Variants in SDHAF4 observed in about 807,000 individuals in gnomAD.
SDHAF4 encodes succinate dehydrogenase assembly factor 4, mitochondrial.
SDHAF4 carries 14 observed loss-of-function variants against 14.3 expected under a neutral mutation model. The ratio of observed to expected loss-of-function variants is 0.98; its 90% CI spans 0.65 to 1.53. SDHAF4 has a LOEUF of 1.53. Among genes scored for constraint, SDHAF4 ranks in the 40% most tolerant of loss-of-function variants. The pLI, the probability that SDHAF4 is intolerant of heterozygous loss-of-function variation, is 0.00. For synonymous variants in SDHAF4, 63 were observed against 47.3 expected (o/e 1.33, Z -1.36); for missense variants, 141 against 129.3 (o/e 1.09, Z -0.44).
At chr6:70,585,815 T>C (rs1765187826) in intron 2 of SDHAF4, among the ~76,000 whole-genome samples, 1 of 133,884 alleles carries the variant, frequency 7.5e-6, no homozygotes, top group East Asian at 2.0e-4. Context: ...AAATTCTGTA[T>C]CCTTTTTCTT....
At chr6:70,597,661 T>C in the SDHAF4 span, among the ~76,000 whole-genome samples, 1 of 152,176 alleles carries the variant, frequency 6.6e-6, no homozygotes, top group Non-Finnish European at 1.5e-5. Flanking sequence ...GAACTTTTGG[T>C]ACTAGATGAC....
chr6:70,578,931 T>C (rs1234082337), intron 1 of SDHAF4, among the ~76,000 whole-genome samples: 1 of 152,198 alleles, frequency 6.6e-6, no homozygotes, highest in African/African-American at 2.4e-5. Flanking sequence ...TCCTCCCTCT[T>C]CAGCCTCCTG....
chr6:70,586,587 T>G (rs1351576895), intron 2 of SDHAF4, among the ~76,000 whole-genome samples: 1 of 152,084 alleles, frequency 6.6e-6, no homozygotes, highest in Non-Finnish European at 1.5e-5. Context: ...TGAAACTGTC[T>G]GCCCACAGGA....
chr6:70,595,193 CCTCA>C, the SDHAF4 span, among the ~76,000 whole-genome samples: 1 of 152,108 alleles, frequency 6.6e-6, no homozygotes, highest in Non-Finnish European at 1.5e-5. Context: ...TCTCCTCTGG[CCTCA>C]CTCACTCTCA....
chr6:70,597,894 G>A, the SDHAF4 span, among the ~76,000 whole-genome samples: 1 of 152,136 alleles, frequency 6.6e-6, no homozygotes, highest in Non-Finnish European at 1.5e-5. Context: ...AGCATTTTTG[G>A]TGGCCACAAC....
At chr6:70,577,445 T>TA (rs967469908) in intron 1 of SDHAF4, among the ~76,000 whole-genome samples, 2 of 152,216 alleles carry the variant, frequency 1.3e-5, no homozygotes. Flanking sequence ...CCTTGCTGAA[T>TA]ATTATCTCAA....
At chr6:70,567,181 C>T (rs1461943314) in intron 1 of SDHAF4, among the ~76,000 whole-genome samples, 177 bp downstream of exon 1, 1 of 152,230 alleles carries the variant, frequency 6.6e-6, no homozygotes, top group Admixed American at 6.5e-5. Context: ...TCCTGCAGCG[C>T]CCCGGGTCTC....
chr6:70,588,832 A>T lies in SDHAF4; in HGVS notation c.*108A>T, dbSNP rs913600230. The T allele has an allele frequency of 6.9e-5, 26 of 377,358 alleles. No individual in the cohort carries two copies. The highest frequency in any genetic ancestry group is 3.0e-4 in the Admixed American group (7 of 23,188). 23.4% of individuals were successfully genotyped at this position (377,358 alleles called of 1,614,324 possible). On this transcript the variant is annotated 3_prime_UTR_variant, in exon 3 of 3. Coordinates refer to ENST00000370474, the MANE Select transcript of SDHAF4 (RefSeq NM_145267.3). ...ATCCTTTATGTCGTGTAGTTTGTAT[A>T]ATGTGTTTAAATATATATATATATG...
intron 1 of SDHAF4, 138 bp from the exon 2 acceptor site, chr6:70,579,276 C>T: frequency 1.5e-6 from 1 of 647,226 alleles, no homozygotes; most frequent in South Asian, 6.7e-5. Context: ...GAAGAATTTT[C>T]ACTCTGCGTC....
the SDHAF4 span, among the ~76,000 whole-genome samples, chr6:70,595,264 G>A: frequency 1.3e-4 from 20 of 152,164 alleles, no homozygotes; most frequent in African/African-American, 4.8e-4. Context: ...GAAAGGTTTT[G>A]CAAAACCTAT....
At chr6:70,592,095 A>G (rs935959562), downstream of SDHAF4, among the ~76,000 whole-genome samples, 1 of 152,244 alleles carries the variant, frequency 6.6e-6, no homozygotes, top group Non-Finnish European at 1.5e-5. Context: ...GGCCCTGGCC[A>G]GATGTGCCCC....
At chr6:70,570,224 ATTACC>A (rs768850295) in intron 1 of SDHAF4, among the ~76,000 whole-genome samples, 44 of 152,324 alleles carry the variant, frequency 2.9e-4, no homozygotes, top group Admixed American at 4.6e-4. Flanking sequence ...TTGTATCTAA[ATTACC>A]TTATTAATTT....
chr6:70,576,538 ATGTG>A (rs962299940), intron 1 of SDHAF4, among the ~76,000 whole-genome samples: 1 of 152,236 alleles, frequency 6.6e-6, no homozygotes, highest in African/African-American at 2.4e-5. Flanking sequence ...CACTTGCTCA[ATGTG>A]TACACATACA....
At chr6:70,570,579 C>G (rs1017544653) in intron 1 of SDHAF4, among the ~76,000 whole-genome samples, 1 of 151,856 alleles carries the variant, frequency 6.6e-6, no homozygotes, top group East Asian at 1.9e-4. Context: ...GGATTACAGG[C>G]GAGAGCCACC....
At chr6:70,575,708 T>C (rs1802245490) in intron 1 of SDHAF4, among the ~76,000 whole-genome samples, 1 of 137,090 alleles carries the variant, frequency 7.3e-6, no homozygotes, top group Non-Finnish European at 1.5e-5. Context: ...TGTTTTTGTA[T>C]ATGTGTGTGT....
At chr6:70,576,304 G>T (rs1463409884) in intron 1 of SDHAF4, among the ~76,000 whole-genome samples, 1 of 152,180 alleles carries the variant, frequency 6.6e-6, no homozygotes, top group Non-Finnish European at 1.5e-5. Context: ...GTTTCCAACG[G>T]CCTCAGAGTC....
At chr6:70,573,804 A>C (rs1015381269) in intron 1 of SDHAF4, among the ~76,000 whole-genome samples, 12 of 150,982 alleles carry the variant, frequency 7.9e-5, no homozygotes, top group African/African-American at 2.9e-4. Flanking sequence ...CCTCCCAAGT[A>C]GCTGGGATTA....
chr6:70,597,349 A>G, the SDHAF4 span, among the ~76,000 whole-genome samples: 1 of 126,622 alleles, frequency 7.9e-6, no homozygotes, highest in Non-Finnish European at 1.6e-5. Context: ...GGGTTTCACC[A>G]TGTTGGCCAG....
At chr6:70,590,429 C>A (rs1423735867), downstream of SDHAF4, among the ~76,000 whole-genome samples, 1 of 152,158 alleles carries the variant, frequency 6.6e-6, no homozygotes, top group African/African-American at 2.4e-5. Context: ...GTGCCACCAA[C>A]TTTTACACCA....
Sources: gnomAD v4.1 joint callset for allele counts (sites outside exome capture counted in the v4.1 genomes callset) on GRCh38, gnomAD v4.1.1 for gene constraint, MANE v1.5 for transcripts, NCBI Gene and HGNC (gene_info 2026-07-23, HGNC 2026-07-21) for gene names.